CRYL1: variants seen among roughly 807,000 people sequenced by gnomAD.
CRYL1 encodes crystallin lambda 1, also known as lambda-crystallin homolog.
A neutral mutation model predicts 36.6 loss-of-function variants in CRYL1; 29 were observed. That is an observed-to-expected ratio of 0.79 (90% CI 0.59 to 1.08). The LOEUF (loss-of-function observed/expected upper bound fraction) is 1.08. Ranked by LOEUF, CRYL1 falls within the 50% of genes least tolerant of loss-of-function variation. CRYL1 has a pLI of 0.00. For missense variants in CRYL1, 411 were observed against 407.9 expected (o/e 1.01, Z -0.06); for synonymous variants, 152 against 151.5 (o/e 1.00, Z -0.02).
intron 2 of CRYL1, among the ~76,000 whole-genome samples, chr13:20,505,311 C>T (rs1327372166): frequency 2.1e-5 from 3 of 143,208 alleles, no homozygotes; most frequent in African/African-American, 7.8e-5. Context: ...AAGCCAAGAT[C>T]GTGCCACTGC....
In CRYL1 at chr13:20,499,301, G is replaced by C. The variant is rs937891088; in HGVS notation, c.150-9805C>G. Among the ~76,000 whole-genome samples, 10 of 146,842 alleles carry C rather than the reference G, an allele frequency of 6.8e-5. No individual in the cohort carries two copies. In the East Asian group the frequency reaches 2.0e-3, roughly 29 times the overall value. ...GCAGAGACTGTAGTGAGCCAAGATC[G>C]CATCAGTGCACTCCAGCCTGGGCAA... On this transcript the variant is annotated intron_variant, in intron 2 of 7. Coordinates refer to ENST00000298248, the MANE Select transcript of CRYL1 (RefSeq NM_015974.3).
chr13:20,493,764 G>A (rs113270790), intron 2 of CRYL1, among the ~76,000 whole-genome samples: 5,299 of 152,264 alleles, frequency 0.035, 220 homozygotes, highest in African/African-American at 0.098. Flanking sequence ...AACACAGCCC[G>A]TAGTGGAGTC....
Position 20,488,279 on chromosome 13 carries a change from AC to A in CRYL1, c.276+1090del, listed in dbSNP as rs1304887742. Among the ~76,000 whole-genome samples, 3 of 152,308 alleles carry A rather than the reference AC, an allele frequency of 2.0e-5. No homozygotes were observed. In the East Asian group the frequency reaches 5.8e-4, roughly 29 times the overall value. On this transcript the variant is annotated intron_variant, in intron 3 of 7. Coordinates refer to ENST00000298248, the MANE Select transcript of CRYL1 (RefSeq NM_015974.3). ...GCAACTACGGGTAGAAACAGGTGGC[AC>A]TGGGAACTCATTAGGAGCCCTCAGG...
At chr13:20,455,979 G>A (rs892107883) in intron 3 of CRYL1, among the ~76,000 whole-genome samples, 3 of 152,140 alleles carry the variant, frequency 2.0e-5, no homozygotes, top group African/African-American at 7.2e-5. Flanking sequence ...ACAAAGATAA[G>A]TCAATGGGGA....
chr13:20,483,207 G>C (rs2033313228), intron 3 of CRYL1, among the ~76,000 whole-genome samples: 1 of 152,182 alleles, frequency 6.6e-6, no homozygotes, highest in African/African-American at 2.4e-5. Context: ...CACAATAAAA[G>C]ATAAACGTGT....
chr13:20,469,219 C>G (rs7999770), intron 3 of CRYL1, among the ~76,000 whole-genome samples: 125,340 of 152,236 alleles, frequency 0.82, 51,739 homozygotes, highest in Admixed American at 0.87. Context: ...AGGAAGATGT[C>G]AAGGAGAAAA....
intron 3 of CRYL1, among the ~76,000 whole-genome samples, chr13:20,443,528 G>A (rs1267857203): frequency 1.3e-5 from 2 of 152,072 alleles, no homozygotes; most frequent in African/African-American, 4.8e-5. Context: ...AAGTAGCTGG[G>A]ACTACAGGCC....
chr13:20,473,810 T>A (rs2033108714), intron 3 of CRYL1, among the ~76,000 whole-genome samples: 1 of 152,218 alleles, frequency 6.6e-6, no homozygotes, highest in East Asian at 1.9e-4. Context: ...TCTCTTTTCA[T>A]CATGATTTAT....
At chr13:20,517,242 G>A (rs1168053582) in intron 1 of CRYL1, among the ~76,000 whole-genome samples, 4 of 152,174 alleles carry the variant, frequency 2.6e-5, no homozygotes, top group Non-Finnish European at 5.9e-5. Flanking sequence ...TGCAGTACAG[G>A]CCGAGTGGGC....
chr13:20,461,901 TGTGGGAGGAGAGG>T (rs1288141512), intron 3 of CRYL1, among the ~76,000 whole-genome samples: 1 of 108,298 alleles, frequency 9.2e-6, no homozygotes, highest in Non-Finnish European at 1.8e-5. Context: ...GGCTCAGCAT[TGTGGGAGGAGAGG>T]GTGGGAGGAG....
chr13:20,420,711 G>GTTTTTTTTTTTTTT (rs1565958145), intron 5 of CRYL1, among the ~76,000 whole-genome samples: 1 of 32,212 alleles, frequency 3.1e-5, no homozygotes, highest in Non-Finnish European at 8.0e-5. Context: ...TTGTGTGTGT[G>GTTTTTTTTTTTTTT]TGTGTGTGTG....
In CRYL1 at chr13:20,499,604, A is replaced by G. The variant is rs568027971; in HGVS notation, c.150-10108T>C. On this transcript the variant is annotated intron_variant, in intron 2 of 7. Transcript: ENST00000298248. ...AGAGCAGAGCTTGCAGTGAGCCGAG[A>G]TCATGCCACTGCACTCCAGCCTGGG... Among the ~76,000 whole-genome samples, 167 of 152,196 alleles carry G rather than the reference A, an allele frequency of 1.1e-3. 1 individual carries two copies. Among genetic ancestry groups the G allele is most frequent in the African/African-American group, 3.7e-3 (155 of 41,506 alleles).
intron 3 of CRYL1, among the ~76,000 whole-genome samples, chr13:20,457,552 A>G (rs2032717449): frequency 6.6e-6 from 1 of 152,248 alleles, no homozygotes; most frequent in African/African-American, 2.4e-5. Flanking sequence ...AAAATTACGT[A>G]AAACATATCA....
chr13:20,496,677 G>A (rs1565983294), intron 2 of CRYL1, among the ~76,000 whole-genome samples: 1 of 22,532 alleles, frequency 4.4e-5, no homozygotes, highest in African/African-American at 5.2e-5. Flanking sequence ...TTGGGAGGCC[G>A]AGGCAGGCAG....
intron 1 of CRYL1, among the ~76,000 whole-genome samples, chr13:20,518,895 G>A (rs1346287483): frequency 3.3e-5 from 5 of 152,190 alleles, no homozygotes; most frequent in Non-Finnish European, 5.9e-5. Flanking sequence ...AGTTTCTTTT[G>A]GACAAGAAAG....
intron 5 of CRYL1, among the ~76,000 whole-genome samples, chr13:20,419,975 C>T (rs1371328655): frequency 6.6e-6 from 1 of 152,218 alleles, no homozygotes; most frequent in African/African-American, 2.4e-5. Context: ...TTTAATAAGT[C>T]GAAAATAAAA....
At chr13:20,404,289 T>G (rs1465384938) in intron 7 of CRYL1, 47 bp from the exon 8 acceptor site, 1 of 1,267,468 alleles carries the variant, frequency 7.9e-7, no homozygotes, top group Admixed American at 1.7e-5. Flanking sequence ...AGGAAATAAT[T>G]TATCAAGAGT....
At chr13:20,500,520 G>T (rs2033683887) in intron 2 of CRYL1, among the ~76,000 whole-genome samples, 1 of 152,192 alleles carries the variant, frequency 6.6e-6, no homozygotes, top group South Asian at 2.1e-4. Flanking sequence ...AGTGATTCTT[G>T]TTCCATTTTG....
intron 1 of CRYL1, among the ~76,000 whole-genome samples, chr13:20,515,533 G>A (rs112415064): frequency 0.011 from 1,617 of 152,204 alleles, 29 homozygotes; most frequent in African/African-American, 0.036. Context: ...CATAATGTAG[G>A]GAGTTGCCTT....
Sources: gnomAD v4.1 joint callset for allele counts (sites outside exome capture counted in the v4.1 genomes callset) on GRCh38, gnomAD v4.1.1 for gene constraint, MANE v1.5 for transcripts, NCBI Gene and HGNC (gene_info 2026-07-23, HGNC 2026-07-21) for gene names.